PLA2G4F: variants seen among roughly 807,000 people sequenced by gnomAD.
PLA2G4F encodes cytosolic phospholipase A2 zeta.
In PLA2G4F, 105 loss-of-function variants were observed where a neutral mutation model predicts 103.1. The ratio of observed to expected loss-of-function variants is 1.02; its 90% CI spans 0.87 to 1.20. The LOEUF (loss-of-function observed/expected upper bound fraction) is 1.20, where lower values mean the gene tolerates loss of function less well. PLA2G4F is among the 50% of genes most tolerant of loss of function. The probability of loss-of-function intolerance (pLI) is 0.00; values close to 1 mark genes in which losing one functional copy is unlikely to be tolerated. For missense variants in PLA2G4F, 1,155 were observed against 1,075.9 expected, an observed-to-expected ratio of 1.07 and a Z score of -1.03; for synonymous variants, 468 against 441.1, an observed-to-expected ratio of 1.06 and a Z score of -0.76.
chr15:42,146,910 G>A (rs1402989622), intron 13 of PLA2G4F: 29 of 567,328 alleles, frequency 5.1e-5, no homozygotes, highest in Non-Finnish European at 7.3e-5. Context: ...AGAGCTGAGC[G>A]CTGCGGACCA....
rs1555394354 is a variant in PLA2G4F, at chr15:42,142,105, T to C, written c.2429A>G (p.Gln810Arg). Residue 810 changes from glutamine (Q) to arginine (R), a missense_variant, in exon 20 of 20, where the codon CAG (glutamine) becomes CGG (arginine). Physicochemically the swap from Gln to Arg is conservative, Grantham distance 43 (BLOSUM62 1). This residue lies in a region of PLA2G4F where 782 missense variants were observed against 692.9 expected (regional missense o/e 1.13). Coordinates refer to ENST00000397272, the MANE Select transcript of PLA2G4F (RefSeq NM_213600.4). The stretch of plus-strand genomic sequence containing the variant: ...GAGGGCCACCAGCCGATAAAAGTCC[T>C]GGGGCTCATAGGTGAAGTTCATCAT... The part of the protein sequence containing the change: ...YGMMNFTYEP[Q>R]DFYRLVALSR... 7 of 1,614,204 alleles carry C rather than the reference T, an allele frequency of 4.3e-6. No homozygotes were observed. The South Asian group carries it at 5.5e-5, about 13-fold the overall frequency.
At chr15:42,142,286 G>T in intron 19 of PLA2G4F, 82 bp from the exon 20 acceptor site, 2 of 1,357,830 alleles carry the variant, frequency 1.5e-6, no homozygotes, top group Non-Finnish European at 2.0e-6. Flanking sequence ...TCTTCCTTGT[G>T]CAGGACACCT....
chr15:42,152,632 G>A (rs2048972211), intron 7 of PLA2G4F, 56 bp downstream of exon 7: 1 of 1,528,124 alleles, frequency 6.5e-7, no homozygotes, highest in African/African-American at 1.4e-5. Context: ...CTTGACATCA[G>A]TAGTTCCAAC....
At chr15:42,146,411 C>A (rs1040172472) in intron 13 of PLA2G4F, among the ~76,000 whole-genome samples, 170 bp from the exon 14 acceptor site, 1 of 152,202 alleles carries the variant, frequency 6.6e-6, no homozygotes, top group Admixed American at 6.5e-5. Flanking sequence ...CAGGCCGCAG[C>A]CAAGGGGAGC....
intron 4 of PLA2G4F, 50 bp downstream of exon 4, chr15:42,154,042 T>C (rs915854975): frequency 3.1e-6 from 5 of 1,611,684 alleles, no homozygotes; most frequent in Non-Finnish European, 4.2e-6. Flanking sequence ...GGCCCTGTGC[T>C]GGGCCTCCCC....
rs1042797557 is a variant in PLA2G4F at position 42,152,748 on chromosome 15, G to T, written c.541C>A (p.Pro181Thr). 4.5e-6 allele frequency: 7 copies of T among 1,555,314 alleles called. No homozygotes were observed. Among genetic ancestry groups the T allele is most frequent in the African/African-American group, 1.4e-5 (1 of 73,284 alleles). The change falls in exon 7 of 20, where the codon CCC becomes ACC. Residue 181 changes from proline (P) to threonine (T), a missense_variant. Pro to Thr is a conservative substitution (Grantham distance 38, BLOSUM62 -1). Transcript: ENST00000397272. ...VITNGVLVAH[P>T]CLRIQGTLRG... ...AGCGTGCCCTGGATTCTCAGACAGG[G>T]GTGAGCCTGAGGAAAGCAGAGGCCT... is the stretch of plus-strand genomic sequence containing the variant.
At chr15:42,151,205 G>A (rs1445803498) in intron 7 of PLA2G4F, 4 of 985,326 alleles carry the variant, frequency 4.1e-6, no homozygotes, top group Non-Finnish European at 4.8e-6. Context: ...AAACCAGTAG[G>A]CTGCAAGTTG....
chr15:42,147,356 G>A lies in PLA2G4F; in HGVS notation c.1197-10C>T, dbSNP rs2048903247. 1 of 1,601,710 alleles carries A rather than the reference G, an allele frequency of 6.2e-7. No homozygotes were observed. Reference sequence around the variant, plus strand: ...GAGTGTGGAGATGCACCTGGGGATTGGAGGTGTGCCTGAGTCAGGGGCAGG... The same window carrying A: ...GAGTGTGGAGATGCACCTGGGGATTAGAGGTGTGCCTGAGTCAGGGGCAGG... On this transcript the variant is annotated splice_polypyrimidine_tract_variant and intron_variant, in intron 12 of 19. Coordinates refer to ENST00000397272, the MANE Select transcript of PLA2G4F (RefSeq NM_213600.4).
Position 42,144,092 on chromosome 15 carries a change from C to T in PLA2G4F, c.2028G>A (p.Leu676=), listed in dbSNP as rs756103310. The T allele has an allele frequency of 4.3e-6, 7 of 1,613,928 alleles. No homozygotes were observed. In the African/African-American group the frequency reaches 6.7e-5, roughly 15 times the overall value. ...TGGCAAAGCCTCCGTCCACCAGGTA[C>T]AGGCAGTCCCGCATGGGGGTGAGCT... ...PNQLTPMRDC[L]YLVDGGFAIN... Residue 676 remains leucine, a synonymous_variant, in exon 18 of 20, where the codon CTG becomes CTA. Transcript: ENST00000397272.
chr15:42,147,229 C>A lies in PLA2G4F; in HGVS notation c.1314G>T (p.Arg438=). ...CCAGTTCCTGAGTGTAGTACTGTAG[C>A]CGCTCCGTGGACAAAGCTCCCATCT... ...SSKMGALSTE[R]LQYYTQELGV... The change falls in exon 13 of 20, where the codon CGG becomes CGT. Residue 438 remains arginine, a synonymous_variant. Transcript: ENST00000397272. 6.2e-7 allele frequency: 1 copy of A among 1,612,826 alleles called. No homozygotes were observed.
Position 42,141,687 on chromosome 15 carries a change from C to T in PLA2G4F, c.*297G>A. ...TGTGTCTGGGGTGGGCTCTGTGGCT[C>T]ACCTGATTCTCTCCACACCCCGCTG... On this transcript the variant is annotated 3_prime_UTR_variant, in exon 20 of 20. Transcript: ENST00000397272. The T allele has an allele frequency of 1.9e-6, 1 of 538,958 alleles. No individual in the cohort carries two copies. Among genetic ancestry groups the T allele is most frequent in the Non-Finnish European group, 3.6e-6 (1 of 281,276 alleles). The allele number at this position is 538,958 out of a possible 1,614,324, so 33.4% of individuals were successfully genotyped here. A position where few individuals can be genotyped will look rare whatever the true frequency, so the allele number is the denominator to read the frequency against.
intron 6 of PLA2G4F, 101 bp from the exon 7 acceptor site, chr15:42,152,855 G>T: frequency 2.6e-6 from 3 of 1,150,514 alleles, no homozygotes; most frequent in Non-Finnish European, 3.7e-6. Context: ...AACAGCCATG[G>T]CCCCATCCAG....
rs534770676 is a variant in PLA2G4F at position 42,153,637 on chromosome 15, T to G, written c.474A>C (p.Glu158Asp). ...GAACTCACCTCTTCTCCAGAACAAA[T>G]TCCACCTGCAGCTCTTGTGAATCCT... ...NHQDSQELQVEFVLEKSQVPA... is the reference protein window; with the variant it reads ...NHQDSQELQVDFVLEKSQVPA... Residue 158 changes from glutamate to aspartate, a missense_variant, in exon 5 of 20, where the codon GAA becomes GAC. Physicochemically the swap from Glu to Asp is conservative, Grantham distance 45. Coordinates refer to ENST00000397272, the MANE Select transcript of PLA2G4F (RefSeq NM_213600.4). 2 of 1,614,140 alleles carry G rather than the reference T, an allele frequency of 1.2e-6. No individual in the cohort carries two copies. Among genetic ancestry groups the G allele is most frequent in the South Asian group, 2.2e-5 (2 of 91,076 alleles).
chr15:42,156,469 C>G lies in PLA2G4F; in HGVS notation c.81G>C (p.Glu27Asp). ...LLGAVLLQKR[E>D]KRGPLWRHWR... The stretch of plus-strand genomic sequence containing the variant: ...AGTGCCTCCACAGAGGGCCCCTCTT[C>G]TCTCTCTTCTGAAGCAGCACTGCCC... The change falls in exon 1 of 20, where the codon GAG (glutamate) becomes GAC (aspartate). Residue 27 changes from glutamate (E) to aspartate (D), a missense_variant. Physicochemically the swap from Glu to Asp is conservative, Grantham distance 45 (BLOSUM62 2). Transcript: ENST00000397272. 6.4e-7 allele frequency: 1 copy of G among 1,565,122 alleles called. No individual in the cohort carries two copies.
At chr15:42,144,308 T>C (rs1033312252) in intron 17 of PLA2G4F, 142 bp downstream of exon 17, 19 of 1,378,962 alleles carry the variant, frequency 1.4e-5, no homozygotes, top group African/African-American at 2.9e-5. Context: ...CTTCCAGCAG[T>C]ATTTAGAGTC....
rs1381427697 is a variant in PLA2G4F at position 42,156,523 on chromosome 15, C to T, written c.27G>A (p.Trp9Ter). 1.5e-5 allele frequency: 23 copies of T among 1,554,164 alleles called. 2 individuals are homozygous for T. The South Asian group carries it at 2.7e-4, about 18-fold the overall frequency. Residue 9 changes from tryptophan (W) to a stop codon, truncating the protein, a stop_gained, in exon 1 of 20, where the codon TGG becomes TGA. Transcript: ENST00000397272. LOFTEE classifies it high-confidence loss of function. MLWALWPRWLADKMLPLLG... is the reference protein window; with the variant it reads MLWALWPR ...GGAGGGGCAGCATCTTGTCTGCCAG[C>T]CACCTTGGCCAGAGTGCCCAAAGCA...
Position 42,145,855 on chromosome 15 carries a change from G to A in PLA2G4F, c.1583C>T (p.Ala528Val). Residue 528 changes from alanine to valine, a missense_variant, in exon 15 of 20, where the codon GCT becomes GTT. Transcript: ENST00000397272. The part of the protein sequence containing the change: ...PYEVGFPKYG[A>V]YVPTELFGSE... The stretch of plus-strand genomic sequence containing the variant: ...GCCGAAGAGCTCGGTGGGAACATAA[G>A]CCCCGTACTTGGGGAAGCCAACCTC... 6.2e-7 allele frequency: 1 copy of A among 1,614,090 alleles called. No homozygotes were observed. Among genetic ancestry groups the A allele is most frequent in the Non-Finnish European group, 8.5e-7 (1 of 1,180,008 alleles).
In PLA2G4F at chr15:42,147,306, C is replaced by T. The variant is rs766520010; in HGVS notation, c.1237G>A (p.Val413Met). The change falls in exon 13 of 20, where the codon GTG becomes ATG. Residue 413 changes from valine (V) to methionine (M), a missense_variant. Physicochemically the swap from Val to Met is conservative, Grantham distance 21. Around this residue, in one of 3 missense-constraint regions of PLA2G4F, gnomAD observed 782 missense variants for 692.9 expected, o/e 1.13. Transcript: ENST00000397272. ...TLYRDPAWSQ[V>M]ALQGPIERAQ... ...CGCTCAATGGGGCCCTGCAAGGCCA[C>T]CTGGGACCAGGCTGGGTCCCTGTAG... The T allele has an allele frequency of 1.5e-5, 24 of 1,609,958 alleles. No homozygotes were observed. The highest frequency in any genetic ancestry group is 2.0e-5 in the Non-Finnish European group (24 of 1,179,974).
chr15:42,144,301 C>T (rs2048856783), intron 17 of PLA2G4F, 149 bp downstream of exon 17: 2 of 1,375,060 alleles, frequency 1.5e-6, no homozygotes, highest in Non-Finnish European at 9.9e-7. Flanking sequence ...CTTCCAGCTT[C>T]CAGCAGTATT....
Sources: gnomAD v4.1 joint callset for allele counts (sites outside exome capture counted in the v4.1 genomes callset) on GRCh38, gnomAD v4.1.1 for gene constraint, gnomAD v4.1.1 regional missense constraint, MANE v1.5 for transcripts, NCBI Gene and HGNC (gene_info 2026-07-23, HGNC 2026-07-21) for gene names.